GNG7: variants seen among roughly 807,000 people sequenced by gnomAD.
GNG7 encodes G protein subunit gamma 7.
GNG7 carries 1 observed loss-of-function variant against 4.0 expected under a neutral mutation model. That is an observed-to-expected ratio of 0.25 (90% CI 0.09 to 1.18). GNG7 has a LOEUF of 1.18. Ranked by LOEUF, GNG7 falls within the 50% of genes most tolerant of loss-of-function variation. The pLI is 0.50. For synonymous variants in GNG7, 34 were observed against 36.9 expected (o/e 0.92, Z 0.29); for missense variants, 86 against 91.9 (o/e 0.94, Z 0.26).
intron 1 of GNG7, among the ~76,000 whole-genome samples, chr19:2,677,259 T>G (rs1403412900): frequency 6.6e-6 from 1 of 151,654 alleles, no homozygotes; most frequent in Non-Finnish European, 1.5e-5. Context: ...TTCCATTTTT[T>G]TTTTTTTGCT....
intron 2 of GNG7, among the ~76,000 whole-genome samples, chr19:2,582,498 T>TC: frequency 6.6e-6 from 1 of 152,100 alleles, no homozygotes; most frequent in African/African-American, 2.4e-5. Flanking sequence ...AATTTTTTTT[T>TC]TTGAGACAGG....
intron 2 of GNG7, among the ~76,000 whole-genome samples, chr19:2,558,809 AT>A (rs1240357924): frequency 6.8e-5 from 5 of 73,300 alleles, no homozygotes; most frequent in Non-Finnish European, 6.2e-5. Flanking sequence ...TTTATTTATT[AT>A]TTTTTTTGGG....
intron 1 of GNG7, among the ~76,000 whole-genome samples, chr19:2,670,944 C>A (rs1314831794): frequency 6.6e-6 from 1 of 152,160 alleles, no homozygotes; most frequent in East Asian, 1.9e-4. Context: ...GATATCCCCA[C>A]CCTGAGTGGG....
At chr19:2,630,282 G>A (rs1982124863) in intron 2 of GNG7, among the ~76,000 whole-genome samples, 1 of 152,108 alleles carries the variant, frequency 6.6e-6, no homozygotes, top group Non-Finnish European at 1.5e-5. Flanking sequence ...AACATATCTT[G>A]TAGAACCCCC....
At chr19:2,621,082 C>A (rs965614242) in intron 2 of GNG7, among the ~76,000 whole-genome samples, 14 of 152,096 alleles carry the variant, frequency 9.2e-5, no homozygotes, top group Admixed American at 4.6e-4. Context: ...CCTGGGGTGA[C>A]CTCGCCCCTT....
intron 2 of GNG7, among the ~76,000 whole-genome samples, chr19:2,603,306 C>A (rs1323054946): frequency 6.6e-6 from 1 of 152,156 alleles, no homozygotes; most frequent in Non-Finnish European, 1.5e-5. Flanking sequence ...ACCTCGTGAT[C>A]CACCCGCCTC....
At chr19:2,677,132 G>C (rs1237338725) in intron 1 of GNG7, among the ~76,000 whole-genome samples, 1 of 152,156 alleles carries the variant, frequency 6.6e-6, no homozygotes, top group Non-Finnish European at 1.5e-5. Context: ...TTCTTCCAGG[G>C]AGCAGGATCT....
intron 2 of GNG7, among the ~76,000 whole-genome samples, chr19:2,628,932 C>G (rs1982089151): frequency 6.6e-6 from 1 of 152,172 alleles, no homozygotes; most frequent in African/African-American, 2.4e-5. Flanking sequence ...ATTCGCAGGT[C>G]CAGCCCATCC....
chr19:2,576,356 T>G (rs1459041949), intron 2 of GNG7, among the ~76,000 whole-genome samples: 1 of 152,172 alleles, frequency 6.6e-6, no homozygotes, highest in Non-Finnish European at 1.5e-5. Context: ...GAATCCGCCC[T>G]GGGTGGGGCT....
chr19:2,649,418 G>A (rs1007414122), intron 1 of GNG7, among the ~76,000 whole-genome samples: 1 of 60,200 alleles, frequency 1.7e-5, no homozygotes, highest in African/African-American at 6.2e-5. Flanking sequence ...TACTTTTTGA[G>A]ACGGAGTCTT....
intron 2 of GNG7, among the ~76,000 whole-genome samples, chr19:2,568,936 C>G (rs1404375261): frequency 1.3e-5 from 2 of 151,762 alleles, no homozygotes; most frequent in Non-Finnish European, 2.9e-5. Flanking sequence ...TACAAATATA[C>G]AAATACACAC....
intron 2 of GNG7, among the ~76,000 whole-genome samples, chr19:2,568,085 GCA>G (rs143430661): frequency 0.066 from 9,440 of 143,436 alleles, 382 homozygotes; most frequent in East Asian, 0.2. Flanking sequence ...ATATACACAT[GCA>G]CACACACACA....
At chr19:2,551,904 C>T (rs761870229) in intron 3 of GNG7, among the ~76,000 whole-genome samples, 4 of 152,014 alleles carry the variant, frequency 2.6e-5, no homozygotes, top group Non-Finnish European at 5.9e-5. Flanking sequence ...AGTCTGGTCT[C>T]GAGCTTCTGA....
intron 1 of GNG7, among the ~76,000 whole-genome samples, chr19:2,660,882 C>G (rs896137597): frequency 1.2e-4 from 18 of 152,140 alleles, no homozygotes; most frequent in Non-Finnish European, 2.4e-4. Flanking sequence ...TGGGGAAATG[C>G]AGGCAGTGCT....
At chr19:2,597,830 A>G (rs10421196) in intron 2 of GNG7, among the ~76,000 whole-genome samples, 72,006 of 147,816 alleles carry the variant, frequency 0.49, 18,168 homozygotes, top group Non-Finnish European at 0.57. Flanking sequence ...CAGGAGGCAG[A>G]GCTTGCAGTG....
intron 2 of GNG7, among the ~76,000 whole-genome samples, chr19:2,580,508 C>G (rs1980472587): frequency 6.6e-6 from 1 of 151,676 alleles, no homozygotes; most frequent in South Asian, 2.1e-4. Flanking sequence ...CCAGGCTGGT[C>G]TCGAACTCCT....
rs201585354 is a variant in GNG7 at position 2,673,494 on chromosome 19, ACCAG to A, written c.-134-27218_-134-27215del. Among the ~76,000 whole-genome samples the A allele has an allele frequency of 8.5e-3, 1,295 of 152,032 alleles. 20 individuals carry two copies. The highest frequency in any genetic ancestry group is 0.029 in the African/African-American group (1,197 of 41,474). On this transcript the variant is annotated intron_variant, in intron 1 of 4. Transcript: ENST00000382159. ...GCTCACCTGAGGTCAGGAATTCGAG[ACCAG>A]CCTGGCCAACATGGTGAACCCCTGC... is the stretch of plus-strand genomic sequence containing the variant.
intron 4 of GNG7, among the ~76,000 whole-genome samples, chr19:2,518,228 G>A (rs1308928252): frequency 4.9e-5 from 6 of 121,586 alleles, no homozygotes; most frequent in South Asian, 2.7e-4. Flanking sequence ...GAGTGGGGAC[G>A]GGTCAAATCC....
intron 1 of GNG7, among the ~76,000 whole-genome samples, chr19:2,671,329 C>A (rs1373433819): frequency 2.0e-5 from 3 of 152,088 alleles, no homozygotes; most frequent in Non-Finnish European, 4.4e-5. Context: ...GGCCGAGGAC[C>A]ACCCCGGATC....
Sources: gnomAD v4.1 joint callset for allele counts (sites outside exome capture counted in the v4.1 genomes callset) on GRCh38, gnomAD v4.1.1 for gene constraint, MANE v1.5 for transcripts, NCBI Gene and HGNC (gene_info 2026-07-23, HGNC 2026-07-21) for gene names.